PTPRO: variants seen among roughly 807,000 people sequenced by gnomAD.
PTPRO encodes protein tyrosine phosphatase receptor type O, also known as receptor-type tyrosine-protein phosphatase O.
A neutral mutation model predicts 145.2 loss-of-function variants in PTPRO; 62 were observed. That is an observed-to-expected ratio of 0.43 (90% CI 0.35 to 0.53). PTPRO has a LOEUF of 0.53. Ranked by LOEUF, PTPRO falls within the 20% of genes least tolerant of loss-of-function variation. The pLI is 0.01. For synonymous variants in PTPRO, 565 were observed against 514.7 expected, an observed-to-expected ratio of 1.10 and a Z score of -1.32; for missense variants, 1,345 against 1,482.7, an observed-to-expected ratio of 0.91 and a Z score of 1.53.
chr12:15,506,832 G>A (rs1321833988), intron 6 of PTPRO, among the ~76,000 whole-genome samples: 1 of 152,128 alleles, frequency 6.6e-6, no homozygotes, highest in African/African-American at 2.4e-5. Context: ...AAAATTCCAT[G>A]ATTTATCCAT....
chr12:15,469,560 A>G (rs1169309270), intron 1 of PTPRO, among the ~76,000 whole-genome samples: 2 of 152,138 alleles, frequency 1.3e-5, no homozygotes, highest in Non-Finnish European at 2.9e-5. Context: ...TAGGCCCTAA[A>G]ACTGTTCCCA....
At chr12:15,513,459 AATC>A (rs766177032) in intron 7 of PTPRO, among the ~76,000 whole-genome samples, 2 of 152,216 alleles carry the variant, frequency 1.3e-5, no homozygotes, top group Admixed American at 6.5e-5. Flanking sequence ...AATTCAATAT[AATC>A]TTATTTTGTT....
intron 1 of PTPRO, among the ~76,000 whole-genome samples, chr12:15,474,428 G>A (rs1941610419): frequency 1.3e-5 from 2 of 152,238 alleles, no homozygotes; most frequent in South Asian, 4.2e-4. Context: ...CCCTTTTGCT[G>A]CCTCGGTTAG....
At chr12:15,365,004 A>G (rs1345726372) in intron 1 of PTPRO, among the ~76,000 whole-genome samples, 1 of 152,068 alleles carries the variant, frequency 6.6e-6, no homozygotes, top group Non-Finnish European at 1.5e-5. Context: ...CTCATTCTTT[A>G]TCGTTTCTTC....
intron 1 of PTPRO, among the ~76,000 whole-genome samples, chr12:15,402,450 C>A (rs953859519): frequency 4.6e-5 from 7 of 151,888 alleles, no homozygotes; most frequent in African/African-American, 1.7e-4. Flanking sequence ...TTTGTAAAAT[C>A]TGTTTGCTTC....
intron 1 of PTPRO, among the ~76,000 whole-genome samples, chr12:15,408,097 A>G (rs1252282160): frequency 6.6e-6 from 1 of 152,094 alleles, no homozygotes; most frequent in Non-Finnish European, 1.5e-5. Flanking sequence ...TGTATATTTT[A>G]TATCTACTAT....
intron 2 of PTPRO, among the ~76,000 whole-genome samples, chr12:15,493,570 G>A (rs1942042532): frequency 6.6e-6 from 1 of 152,078 alleles, no homozygotes; most frequent in Non-Finnish European, 1.5e-5. Flanking sequence ...TAATCTCCAT[G>A]AGCAGGAAAT....
chr12:15,589,984 T>C (rs1944512328), intron 25 of PTPRO, among the ~76,000 whole-genome samples: 1 of 152,186 alleles, frequency 6.6e-6, no homozygotes, highest in Non-Finnish European at 1.5e-5. Context: ...GTCATTAGTT[T>C]ATCCTCCGTG....
intron 1 of PTPRO, among the ~76,000 whole-genome samples, chr12:15,480,790 GACAC>G (rs375573679): frequency 1.3e-5 from 2 of 152,100 alleles, no homozygotes; most frequent in South Asian, 2.1e-4. Flanking sequence ...CGGACGGACA[GACAC>G]ACACACAGAC....
At chr12:15,572,715 C>CT (rs950713043) in intron 19 of PTPRO, among the ~76,000 whole-genome samples, 2 of 151,668 alleles carry the variant, frequency 1.3e-5, no homozygotes, top group Non-Finnish European at 2.9e-5. Flanking sequence ...TCATGTTCTG[C>CT]TTTTTTTTAA....
chr12:15,597,280 T>C lies in PTPRO; in HGVS notation c.*1207T>C, dbSNP rs947236320. 1 of 152,260 alleles carries C rather than the reference T, an allele frequency of 6.6e-6. No individual in the cohort carries two copies. 9.4% of individuals were successfully genotyped at this position (152,260 alleles called of 1,614,324 possible). A position where few individuals can be genotyped will look rare whatever the true frequency, so the allele number is the denominator to read the frequency against. ...TGTCAAAATGACATTGATGGCATTGTGAAGCCTGTTACTTTGTGTCACTTC... is the reference window on the plus strand; with the variant it reads ...TGTCAAAATGACATTGATGGCATTGCGAAGCCTGTTACTTTGTGTCACTTC... On this transcript the variant is annotated 3_prime_UTR_variant, in exon 27 of 27. Coordinates refer to ENST00000281171, the MANE Select transcript of PTPRO (RefSeq NM_030667.3).
At chr12:15,339,793 A>ATG (rs1866908084) in intron 1 of PTPRO, among the ~76,000 whole-genome samples, 4 of 152,188 alleles carry the variant, frequency 2.6e-5, no homozygotes, top group Non-Finnish European at 4.4e-5. Context: ...CAATTCATAT[A>ATG]TATATGCTCC....
At chr12:15,437,620 C>T (rs938462135) in intron 1 of PTPRO, among the ~76,000 whole-genome samples, 1 of 152,084 alleles carries the variant, frequency 6.6e-6, no homozygotes, top group African/African-American at 2.4e-5. Flanking sequence ...GTGTGGCAAC[C>T]TGGGTTGCAC....
chr12:15,422,951 T>C lies in PTPRO; in HGVS notation c.76-61023T>C, dbSNP rs1260738138. Among the ~76,000 whole-genome samples, 4 of 152,326 alleles carry C rather than the reference T, an allele frequency of 2.6e-5. No individual in the cohort carries two copies. In the East Asian group the frequency reaches 7.7e-4, roughly 29 times the overall value. On this transcript the variant is annotated intron_variant, in intron 1 of 26. Transcript: ENST00000281171. ...TATCAATTTCTATGTATGTATTCCA[T>C]TGTACATCCTCTCTCCCTAAATTTT... is the stretch of plus-strand genomic sequence containing the variant.
At chr12:15,412,750 A>C (rs1346337160) in intron 1 of PTPRO, among the ~76,000 whole-genome samples, 1 of 152,196 alleles carries the variant, frequency 6.6e-6, no homozygotes, top group African/African-American at 2.4e-5. Flanking sequence ...TTTTTAAAAC[A>C]TTCCAGTGTA....
intron 2 of PTPRO, among the ~76,000 whole-genome samples, chr12:15,490,268 A>C (rs549138886): frequency 6.6e-6 from 1 of 152,188 alleles, no homozygotes; most frequent in Non-Finnish European, 1.5e-5. Flanking sequence ...CTTAGTTTTC[A>C]AATCTACAAT....
intron 1 of PTPRO, among the ~76,000 whole-genome samples, chr12:15,438,715 G>A (rs1940670630): frequency 6.6e-6 from 1 of 151,956 alleles, no homozygotes; most frequent in Non-Finnish European, 1.5e-5. Context: ...TATGTAAGAG[G>A]ACTAAATGTA....
chr12:15,447,431 A>G (rs1940929254), intron 1 of PTPRO, among the ~76,000 whole-genome samples: 1 of 152,084 alleles, frequency 6.6e-6, no homozygotes, highest in Non-Finnish European at 1.5e-5. Context: ...TTTGAATACT[A>G]TTTCATTTAT....
rs780757627 is a variant in PTPRO at position 15,484,219 on chromosome 12, G to A, written c.321G>A (p.Lys107=). The A allele has an allele frequency of 6.2e-7, 1 of 1,613,460 alleles. No homozygotes were observed. The highest frequency in any genetic ancestry group is 8.5e-7 in the Non-Finnish European group (1 of 1,179,628). Residue 107 remains lysine (K), a synonymous_variant, in exon 2 of 27, where the codon AAG becomes AAA. Coordinates refer to ENST00000281171, the MANE Select transcript of PTPRO (RefSeq NM_030667.3). ...TGGTAAATGGAAATGTGGTGACCAAGCCATCCAGATCAATCACTGTGTTAA... is the reference window on the plus strand; with the variant it reads ...TGGTAAATGGAAATGTGGTGACCAAACCATCCAGATCAATCACTGTGTTAA... The part of the protein sequence containing the change: ...LVVVNGNVVT[K]PSRSITVLTK...
Sources: allele counts gnomAD v4.1 joint callset (sites outside exome capture counted in the v4.1 genomes callset), GRCh38; gene constraint gnomAD v4.1.1; transcripts MANE v1.5; gene names NCBI Gene and HGNC (gene_info 2026-07-23, HGNC 2026-07-21).